Variants in ANKRD17 observed in about 807,000 individuals in gnomAD.
ANKRD17 encodes ankyrin repeat domain 17, also known as ankyrin repeat domain-containing protein 17.
Under a neutral mutation model 229.7 loss-of-function variants are expected in ANKRD17, and 19 were observed. That is an observed-to-expected ratio of 0.08 (90% CI 0.06 to 0.12). ANKRD17 has a LOEUF of 0.12. ANKRD17 is among the 10% of genes least tolerant of loss of function. The pLI is 1.00. For synonymous variants in ANKRD17, 1,112 were observed against 1,146.1 expected (o/e 0.97, Z 0.60); for missense variants, 2,176 against 3,176.8 (o/e 0.68, Z 7.57).
At chr4:73,079,379 C>T (rs894043707) in intron 30 of ANKRD17, among the ~76,000 whole-genome samples, 1 of 152,040 alleles carries the variant, frequency 6.6e-6, no homozygotes, top group Admixed American at 6.6e-5. Context: ...GTTATTTATT[C>T]ATTTTTTATT....
intron 1 of ANKRD17, among the ~76,000 whole-genome samples, chr4:73,180,611 CTG>C (rs1054417749): frequency 1.8e-4 from 28 of 152,160 alleles, no homozygotes; most frequent in Non-Finnish European, 2.4e-4. Flanking sequence ...ACTTAAAAAA[CTG>C]TAAATTCAAA....
At chr4:73,161,109 A>G in intron 3 of ANKRD17, 83 bp downstream of exon 3, 1 of 1,520,294 alleles carries the variant, frequency 6.6e-7, no homozygotes, top group Non-Finnish European at 8.9e-7. Flanking sequence ...CCAGGCACAA[A>G]ATAAATGCTC....
intron 1 of ANKRD17, among the ~76,000 whole-genome samples, chr4:73,189,403 G>T (rs74976282): frequency 2.0e-3 from 220 of 112,644 alleles, no homozygotes; most frequent in Admixed American, 4.2e-3. Flanking sequence ...TGCCTGGAAT[G>T]TTTTTTTTTT....
chr4:73,189,228 A>C (rs1736700929), intron 1 of ANKRD17, among the ~76,000 whole-genome samples: 2 of 152,222 alleles, frequency 1.3e-5, no homozygotes, highest in Admixed American at 6.5e-5. Context: ...ACAACAACAA[A>C]AACCCAATAG....
chr4:73,123,457 C>A (rs1727020762), intron 18 of ANKRD17, among the ~76,000 whole-genome samples: 1 of 151,942 alleles, frequency 6.6e-6, no homozygotes, highest in South Asian at 2.1e-4. Flanking sequence ...AGAAACAAAA[C>A]AGTAGGGACA....
intron 1 of ANKRD17, among the ~76,000 whole-genome samples, chr4:73,189,623 G>A (rs1041270159): frequency 6.6e-6 from 1 of 152,062 alleles, no homozygotes; most frequent in Non-Finnish European, 1.5e-5. Context: ...ATCGCACTCA[G>A]CTGTCTGGAA....
chr4:73,177,059 C>T (rs970196655), intron 2 of ANKRD17, among the ~76,000 whole-genome samples: 4 of 152,124 alleles, frequency 2.6e-5, no homozygotes, highest in Admixed American at 6.5e-5. Context: ...CTATGAAAGA[C>T]CGCTAGTACT....
At chr4:73,228,411 ATAGTT>A (rs1373722254) in intron 1 of ANKRD17, among the ~76,000 whole-genome samples, 1 of 152,176 alleles carries the variant, frequency 6.6e-6, no homozygotes, top group Admixed American at 6.5e-5. Flanking sequence ...TATTACCACT[ATAGTT>A]TATTTTCTTC....
intron 16 of ANKRD17, among the ~76,000 whole-genome samples, chr4:73,132,750 G>A (rs567981515): frequency 7.0e-4 from 107 of 152,238 alleles, no homozygotes; most frequent in African/African-American, 2.4e-3. Flanking sequence ...GTGATAGTTG[G>A]TGAGTGGTAC....
rs1560513531 is a variant in ANKRD17 at position 73,098,326 on chromosome 4, G to T, written c.4768C>A (p.Pro1590Thr). 1 of 1,614,192 alleles carries T rather than the reference G, an allele frequency of 6.2e-7. No homozygotes were observed. The highest frequency in any genetic ancestry group is 2.2e-5 in the East Asian group (1 of 44,888). Residue 1590 changes from proline to threonine, a missense_variant, in exon 26 of 34, where the codon CCA becomes ACA. Coordinates refer to ENST00000358602, the MANE Select transcript of ANKRD17 (RefSeq NM_032217.5). Reference protein sequence around the residue: ...NVQIIFDDPLPISYSQPEKVN... With the variant: ...NVQIIFDDPLTISYSQPEKVN... ...TTCTCTGGCTGACTGTATGAAATTG[G>T]TAGTGGATCATCAAATATAATTTGA...
intron 18 of ANKRD17, 55 bp from the exon 19 acceptor site, chr4:73,121,814 G>A (rs1726770610): frequency 6.6e-7 from 1 of 1,507,418 alleles, no homozygotes; most frequent in East Asian, 2.3e-5. Flanking sequence ...AATTACCAAA[G>A]TGTGTATTTT....
At chr4:73,128,892 G>A (rs542032894) in intron 16 of ANKRD17, among the ~76,000 whole-genome samples, 1 of 152,040 alleles carries the variant, frequency 6.6e-6, no homozygotes, top group East Asian at 1.9e-4. Flanking sequence ...TAGAAATTTG[G>A]GTTAATATTA....
chr4:73,209,211 C>CA (rs770656851), intron 1 of ANKRD17, among the ~76,000 whole-genome samples: 12 of 151,578 alleles, frequency 7.9e-5, no homozygotes, highest in South Asian at 2.1e-4. Flanking sequence ...GGGTCAAAAA[C>CA]AAAAAACAAA....
In ANKRD17 at chr4:73,078,868, G is replaced by C; in HGVS notation, c.7182C>G (p.Ser2394=). ...CAGGAGATGGTGCACGAACTCCCGA[G>C]GATACTGACTGTGCAGAAGAATCTA... is the stretch of plus-strand genomic sequence containing the variant. ...ASNDSSAQSV[S]SGVRAPSPAP... Residue 2394 remains serine, a synonymous_variant, in exon 31 of 34, where the codon TCC becomes TCG. Coordinates refer to ENST00000358602, the MANE Select transcript of ANKRD17 (RefSeq NM_032217.5). 1 of 1,614,018 alleles carries C rather than the reference G, an allele frequency of 6.2e-7. No individual in the cohort carries two copies. Among genetic ancestry groups the C allele is most frequent in the East Asian group, 2.2e-5 (1 of 44,874 alleles).
At chr4:73,222,850 T>C (rs987371847) in intron 1 of ANKRD17, 4 of 784,528 alleles carry the variant, frequency 5.1e-6, no homozygotes, top group Non-Finnish European at 8.4e-6. Flanking sequence ...TGACCGTGTC[T>C]TGCTTTTATG....
chr4:73,094,738 T>A (rs200438212), intron 27 of ANKRD17, among the ~76,000 whole-genome samples: 1 of 142,762 alleles, frequency 7.0e-6, no homozygotes, highest in African/African-American at 2.6e-5. Flanking sequence ...ATATATATAT[T>A]ATATGTGTGT....
At chr4:73,199,609 T>C (rs912351016) in intron 1 of ANKRD17, among the ~76,000 whole-genome samples, 4 of 152,204 alleles carry the variant, frequency 2.6e-5, no homozygotes, top group South Asian at 2.1e-4. Flanking sequence ...TAAGTCCTTA[T>C]GAATACCTCC....
chr4:73,144,838 T>TAAAAA lies in ANKRD17; in HGVS notation c.1870-11_1870-7dup. 2 of 1,341,276 alleles carry TAAAAA rather than the reference T, an allele frequency of 1.5e-6. No individual in the cohort carries two copies. Among genetic ancestry groups the TAAAAA allele is most frequent in the South Asian group, 1.4e-5 (1 of 72,814 alleles). The allele number at this position is 1,341,276 out of a possible 1,614,324, so 83.1% of individuals were successfully genotyped here. On this transcript the variant is annotated splice_region_variant and splice_polypyrimidine_tract_variant and intron_variant, in intron 10 of 33. Transcript: ENST00000358602. ...CCACCTTCAGATTCATGTTCCTGTT[T>TAAAAA]AAAAAAAAAAAAAAAGACTTGACAT...
In ANKRD17 at chr4:73,091,874, T is replaced by C. The variant is rs201281934; in HGVS notation, c.5754A>G (p.Pro1918=). The change falls in exon 29 of 34, where the codon CCA becomes CCG. Residue 1918 remains proline, a synonymous_variant. Transcript: ENST00000358602. ...LPMTHFGGTF[P]PAQSTWGPFP... ...ACGGACCCCAAGTGGATTGAGCTGGTGGAAAAGTACCTCCAAAGTGGGTCA... is the reference window on the plus strand; with the variant it reads ...ACGGACCCCAAGTGGATTGAGCTGGCGGAAAAGTACCTCCAAAGTGGGTCA... The C allele has an allele frequency of 4.8e-4, 773 of 1,614,052 alleles. 10 individuals are homozygous for C. The South Asian group carries it at 7.9e-3, about 16-fold the overall frequency.
Sources: gnomAD v4.1 joint callset for allele counts (sites outside exome capture counted in the v4.1 genomes callset) on GRCh38, gnomAD v4.1.1 for gene constraint, MANE v1.5 for transcripts, NCBI Gene and HGNC (gene_info 2026-07-23, HGNC 2026-07-21) for gene names.